The following PHKA1 variants were observed in gnomAD, a reference collection of about 807,000 sequenced individuals.
PHKA1 encodes the protein phosphorylase b kinase regulatory subunit alpha, skeletal muscle isoform.
In PHKA1, 60 loss-of-function variants were observed where a neutral mutation model predicts 110.2. That is an observed-to-expected ratio of 0.54 (90% CI 0.44 to 0.68). The LOEUF is 0.68. Among genes scored for constraint, PHKA1 ranks in the 30% least tolerant of loss-of-function variants. The pLI is 0.00. For missense variants in PHKA1, 801 were observed against 942.5 expected (o/e 0.85, Z 1.97); for synonymous variants, 316 against 333.6 (o/e 0.95, Z 0.58).
At chrX:72,585,802 C>T (rs1433003384) in intron 29 of PHKA1, among the ~76,000 whole-genome samples, 1 of 112,574 alleles carries the variant, frequency 8.9e-6, no homozygotes, top group Non-Finnish European at 1.9e-5. Flanking sequence ...CCCATGCCCA[C>T]AGAGCCTTGC....
At chrX:72,653,014 A>C (rs782115370) in intron 11 of PHKA1, among the ~76,000 whole-genome samples, 1 of 111,886 alleles carries the variant, frequency 8.9e-6, no homozygotes, top group African/African-American at 3.2e-5. Flanking sequence ...AGTGGAGAAG[A>C]GGAACAATGT....
In PHKA1 at chrX:72,623,838, A is replaced by G. The variant is rs1234053130; in HGVS notation, c.1794-563T>C. 2.7e-5 allele frequency among the ~76,000 whole-genome samples: 3 copies of G among 112,137 alleles called. No individual in the cohort carries two copies. In the Admixed American group the frequency reaches 2.8e-4, roughly 11 times the overall value. Reference sequence around the variant, plus strand: ...CAATGGCCACACCTTGGATAATTAAAATATTGAAATAATAACAGAAATGGA... The same window carrying G: ...CAATGGCCACACCTTGGATAATTAAGATATTGAAATAATAACAGAAATGGA... On this transcript the variant is annotated intron_variant, in intron 17 of 31. Transcript: ENST00000373542.
At chrX:72,649,481 T>C (rs961865904) in intron 13 of PHKA1, among the ~76,000 whole-genome samples, 1 of 111,919 alleles carries the variant, frequency 8.9e-6, no homozygotes, top group Non-Finnish European at 1.9e-5. Context: ...AGAAGTTTTA[T>C]AGATATTGGG....
chrX:72,579,832 T>A lies in PHKA1; in HGVS notation c.*1170A>T, dbSNP rs2052312325. 1 of 111,397 alleles carries A rather than the reference T, an allele frequency of 9.0e-6. No homozygotes were observed. The allele number at this position is 111,397 out of a possible 1,213,427, so 9.2% of individuals were successfully genotyped here. ...ACAGATACCATGATATACAGGGATA[T>A]GTACACTAGAATTAGGAAGTGAAAA... On this transcript the variant is annotated 3_prime_UTR_variant, in exon 32 of 32. Transcript: ENST00000373542.
At chrX:72,626,487 C>T (rs1332018747) in intron 17 of PHKA1, among the ~76,000 whole-genome samples, 1 of 110,734 alleles carries the variant, frequency 9.0e-6, no homozygotes, top group Non-Finnish European at 1.9e-5. Flanking sequence ...CATTAAATTC[C>T]TTGATTCAAT....
intron 11 of PHKA1, 109 bp downstream of exon 11, chrX:72,653,326 T>C (rs1349446747): frequency 1.8e-6 from 1 of 547,158 alleles, no homozygotes; most frequent in Non-Finnish European, 3.2e-6. Context: ...AGACAAGCTT[T>C]CAGAACAACA....
At chrX:72,652,481 A>C (rs1556299453) in intron 12 of PHKA1, 63 bp downstream of exon 12, 1 of 648,468 alleles carries the variant, frequency 1.5e-6, no homozygotes, top group African/African-American at 2.2e-5. Context: ...GCTACTTAAA[A>C]ATCTGATTAT....
At position 72,657,637 on chromosome X, in the gene PHKA1, C is replaced by T. The variant is rs781906325; in HGVS notation, c.869G>A (p.Arg290His). The T allele has an allele frequency of 3.3e-6, 4 of 1,206,877 alleles. No homozygotes were observed. The highest frequency in any genetic ancestry group is 3.0e-5 in the East Asian group (1 of 33,814). ...TCGTAGAAAGCGACAGCAACCATAACGACCCTGGGAATACAAAGAAAAAAG... is the reference window on the plus strand; with the variant it reads ...TCGTAGAAAGCGACAGCAACCATAATGACCCTGGGAATACAAAGAAAAAAG... ...KQEIITKLQG[R>H]YGCCRFLRDG... The change falls in exon 9 of 32, where the codon CGT becomes CAT. Residue 290 changes from arginine (R) to histidine (H), a missense_variant. Physicochemically the swap from Arg to His is conservative, Grantham distance 29 (BLOSUM62 0). Coordinates refer to ENST00000373542, the MANE Select transcript of PHKA1 (RefSeq NM_002637.4).
chrX:72,604,992 T>C (rs782473194), intron 25 of PHKA1, among the ~76,000 whole-genome samples: 1 of 110,938 alleles, frequency 9.0e-6, no homozygotes, highest in East Asian at 2.8e-4. Flanking sequence ...CTCTCCAGAG[T>C]TAGAGAAATG....
rs181893684 is a variant in PHKA1 at position 72,684,315 on chromosome X, C to T, written c.537+183G>A. On this transcript the variant is annotated intron_variant, in intron 5 of 31. Coordinates refer to ENST00000373542, the MANE Select transcript of PHKA1 (RefSeq NM_002637.4). ...TCCTGACCCTCTTGTCTCTGTAACC[C>T]CCTTGAAGAGAAGACACAGGATGAC... 4.8e-4 allele frequency among the ~76,000 whole-genome samples: 54 copies of T among 111,357 alleles called. No homozygotes were observed. The East Asian group carries it at 0.014, about 30-fold the overall frequency.
chrX:72,679,765 A>G (rs2053822361), intron 5 of PHKA1, among the ~76,000 whole-genome samples: 2 of 111,078 alleles, frequency 1.8e-5, no homozygotes, highest in Admixed American at 1.9e-4. Context: ...AAAAAGAATT[A>G]AAAAACTAAA....
chrX:72,595,366 C>T (rs2052575942), intron 28 of PHKA1, among the ~76,000 whole-genome samples: 1 of 111,018 alleles, frequency 9.0e-6, no homozygotes, highest in Non-Finnish European at 1.9e-5. Flanking sequence ...AGACTGAAGG[C>T]TTCCCCCCGA....
chrX:72,667,363 A>G lies in PHKA1; in HGVS notation c.717+12T>C. On this transcript the variant is annotated intron_variant, in intron 7 of 31. Transcript: ENST00000373542. ...ATAAAATTTGCTATTTCCATTTTCC[A>G]TAATATTTTACCTGGCAGTGCTGTA... 1 of 1,169,129 alleles carries G rather than the reference A, an allele frequency of 8.6e-7. No individual in the cohort carries two copies. The highest frequency in any genetic ancestry group is 1.2e-6 in the Non-Finnish European group (1 of 857,467).
At chrX:72,679,663 G>A (rs997632064) in intron 5 of PHKA1, among the ~76,000 whole-genome samples, 1 of 111,091 alleles carries the variant, frequency 9.0e-6, no homozygotes, top group Non-Finnish European at 1.9e-5. Context: ...TACATTGGGT[G>A]GGATTAGTGA....
At chrX:72,658,329 C>T (rs1209608983) in intron 8 of PHKA1, among the ~76,000 whole-genome samples, 1 of 109,569 alleles carries the variant, frequency 9.1e-6, no homozygotes, top group Non-Finnish European at 1.9e-5. Flanking sequence ...CGTGGTGGCA[C>T]GTGACCGTAG....
At position 72,695,904 on chromosome X, in the gene PHKA1, G is replaced by A. The variant is rs200880979; in HGVS notation, c.286-28C>T. ...GAAAAGAACAAAAACATTAAAAGAAGGATATACTGAAAAATCAACCCATAT... is the reference window on the plus strand; with the variant it reads ...GAAAAGAACAAAAACATTAAAAGAAAGATATACTGAAAAATCAACCCATAT... On this transcript the variant is annotated intron_variant, in intron 3 of 31. Coordinates refer to ENST00000373542, the MANE Select transcript of PHKA1 (RefSeq NM_002637.4). 5 of 1,157,681 alleles carry A rather than the reference G, an allele frequency of 4.3e-6. No homozygotes were observed. In the East Asian group the frequency reaches 1.5e-4, roughly 34 times the overall value.
chrX:72,632,651 TTAAC>T (rs1359553605), intron 16 of PHKA1, among the ~76,000 whole-genome samples: 9 of 111,706 alleles, frequency 8.1e-5, no homozygotes, highest in African/African-American at 2.3e-4. Flanking sequence ...ATATGAGAAT[TTAAC>T]TAATCCACAT....
chrX:72,669,654 G>A (rs782452775), intron 6 of PHKA1, among the ~76,000 whole-genome samples: 1 of 106,244 alleles, frequency 9.4e-6, no homozygotes, highest in South Asian at 4.4e-4. Flanking sequence ...CTCTGTGATA[G>A]TTTGCTGAGA....
intron 12 of PHKA1, among the ~76,000 whole-genome samples, chrX:72,651,349 C>T (rs782285230): frequency 9.0e-6 from 1 of 110,613 alleles, no homozygotes; most frequent in Non-Finnish European, 1.9e-5. Context: ...CCAGCCTGAC[C>T]AACATGGAGA....
Sources: gnomAD v4.1 joint callset for allele counts (sites outside exome capture counted in the v4.1 genomes callset) on GRCh38, gnomAD v4.1.1 for gene constraint, MANE v1.5 for transcripts, NCBI Gene and HGNC (gene_info 2026-07-23, HGNC 2026-07-21) for gene names.